The following PCDHGA7 variants were observed in gnomAD, a reference collection of about 807,000 sequenced individuals.
The protein encoded by PCDHGA7 is protocadherin gamma-A7.
Under a neutral mutation model 58.3 loss-of-function variants are expected in PCDHGA7, and 44 were observed. The ratio of observed to expected loss-of-function variants is 0.75; its 90% CI spans 0.59 to 0.97. The LOEUF (loss-of-function observed/expected upper bound fraction) is 0.97, where lower values mean the gene tolerates loss of function less well. Among genes scored for constraint, PCDHGA7 ranks in the 50% least tolerant of loss-of-function variants. The pLI, the probability that PCDHGA7 is intolerant of heterozygous loss-of-function variation, is 0.00. For synonymous variants in PCDHGA7, 516 were observed against 504.2 expected, an observed-to-expected ratio of 1.02 and a Z score of -0.31; for missense variants, 1,266 against 1,188.7, an observed-to-expected ratio of 1.06 and a Z score of -0.96.
In PCDHGA7 at chr5:141,477,629, C is replaced by A. The variant is rs1191573380; in HGVS notation, c.2425-17178C>A. The A allele has an allele frequency of 6.2e-7, 1 of 1,614,040 alleles. No individual in the cohort carries two copies. The highest frequency in any genetic ancestry group is 8.5e-7 in the Non-Finnish European group (1 of 1,180,040). ...CTTGGAGCAAGGAGCTGAAACCGGGCTAGTGGGTCGCTATTTCACAATAAA... is the reference window on the plus strand; with the variant it reads ...CTTGGAGCAAGGAGCTGAAACCGGGATAGTGGGTCGCTATTTCACAATAAA... On this transcript the variant is annotated intron_variant, in intron 1 of 3. Coordinates refer to ENST00000518325, the MANE Select transcript of PCDHGA7 (RefSeq NM_018920.4). The surrounding 1 kb of genome is among the most constrained non-coding windows in gnomAD (Gnocchi z 4.9).
chr5:141,446,528 G>A (rs2098505974), intron 1 of PCDHGA7, among the ~76,000 whole-genome samples: 1 of 151,952 alleles, frequency 6.6e-6, no homozygotes, highest in South Asian at 2.1e-4. Flanking sequence ...CCAGGCTGGA[G>A]TGCAGTGGCC....
chr5:141,449,073 T>C (rs889880816), intron 1 of PCDHGA7, among the ~76,000 whole-genome samples: 1 of 152,246 alleles, frequency 6.6e-6, no homozygotes, highest in African/African-American at 2.4e-5. Flanking sequence ...TGAATAGCCC[T>C]GTACCTACAT....
At chr5:141,399,796 C>T (rs62621781) in intron 1 of PCDHGA7, 21,149 of 1,613,212 alleles carry the variant, frequency 0.013, 194 homozygotes, top group Non-Finnish European at 0.015. Context: ...CAACGCACCG[C>T]GGGTGCTGTA....
intron 1 of PCDHGA7, chr5:141,413,755 A>G: frequency 1.2e-6 from 2 of 1,612,936 alleles, no homozygotes; most frequent in Non-Finnish European, 1.7e-6. Context: ...CAATGGCGTC[A>G]AGTACCCGGA....
Position 141,487,810 on chromosome 5 carries a change from C to T in PCDHGA7, c.2425-6997C>T. 7.1e-7 allele frequency: 1 copy of T among 1,417,854 alleles called. No homozygotes were observed. 87.8% of individuals were successfully genotyped at this position (1,417,854 alleles called of 1,614,324 possible). ...ATTAACCAGAGTTGTCACAGTTTAG[C>T]ATTGGGGGCGGGTCATGCCTATATC... is the stretch of plus-strand genomic sequence containing the variant. On this transcript the variant is annotated intron_variant, in intron 1 of 3. Coordinates refer to ENST00000518325, the MANE Select transcript of PCDHGA7 (RefSeq NM_018920.4). This position sits in a 1 kb window ranked among gnomAD's most constrained non-coding sequence, Gnocchi z 5.0.
intron 1 of PCDHGA7, among the ~76,000 whole-genome samples, chr5:141,433,853 A>C (rs934981508): frequency 1.3e-5 from 2 of 151,912 alleles, no homozygotes; most frequent in African/African-American, 2.4e-5. Context: ...AAAAAAAAAA[A>C]AACTTTATCC....
chr5:141,489,729 C>T lies in PCDHGA7; in HGVS notation c.2425-5078C>T, dbSNP rs760195181. ...ACAGTGCCCAGGATCCGGATGTGGGCACCAATACTGTGAGCTTTTACACTC... is the reference window on the plus strand; with the variant it reads ...ACAGTGCCCAGGATCCGGATGTGGGTACCAATACTGTGAGCTTTTACACTC... On this transcript the variant is annotated intron_variant, in intron 1 of 3. Transcript: ENST00000518325. The surrounding 1 kb of genome is among the most constrained non-coding windows in gnomAD (Gnocchi z 4.5). 2.5e-6 allele frequency: 4 copies of T among 1,614,152 alleles called. No individual in the cohort carries two copies. The highest frequency in any genetic ancestry group is 2.2e-5 in the East Asian group (1 of 44,876).
chr5:141,392,546 T>A (rs1207052717), intron 1 of PCDHGA7: 1 of 336,090 alleles, frequency 3.0e-6, no homozygotes, highest in Non-Finnish European at 5.4e-6. Flanking sequence ...AGAAGTAATC[T>A]GTATCTCAGT....
Position 141,384,862 on chromosome 5 carries a change from T to A in PCDHGA7, c.1963T>A (p.Ser655Thr). 6.2e-7 allele frequency: 1 copy of A among 1,613,686 alleles called. No homozygotes were observed. Among genetic ancestry groups the A allele is most frequent in the Non-Finnish European group, 8.5e-7 (1 of 1,179,932 alleles). Residue 655 changes from serine (S) to threonine (T), a missense_variant, in exon 1 of 4, where the codon TCA (serine) becomes ACA (threonine). Transcript: ENST00000518325. ...AVQDHGQPPL[S>T]ATVTLTVAVA... ...CCAGGACCACGGTCAGCCTCCTCTG[T>A]CAGCCACCGTCACACTCACCGTGGC... is the stretch of plus-strand genomic sequence containing the variant.
chr5:141,460,414 T>G (rs1289935272), intron 1 of PCDHGA7, among the ~76,000 whole-genome samples: 1 of 152,216 alleles, frequency 6.6e-6, no homozygotes, highest in Non-Finnish European at 1.5e-5. Context: ...GAGTTGATGT[T>G]TATGTATGGT....
chr5:141,402,954 T>C, intron 1 of PCDHGA7: 3 of 1,601,320 alleles, frequency 1.9e-6, no homozygotes, highest in Non-Finnish European at 2.6e-6. Context: ...GAGGCAGCAA[T>C]GGCAGCTCCA....
At position 141,393,264 on chromosome 5, in the gene PCDHGA7, C is replaced by G. The variant is rs537186931; in HGVS notation, c.2424+7941C>G. The G allele has an allele frequency of 1.1e-4, 170 of 1,613,916 alleles. 3 individuals carry two copies. The South Asian group carries it at 1.8e-3, about 17-fold the overall frequency. On this transcript the variant is annotated intron_variant, in intron 1 of 3. Coordinates refer to ENST00000518325, the MANE Select transcript of PCDHGA7 (RefSeq NM_018920.4). ...TAACGAAATCGCGGTTCCTGGAGCA[C>G]GTTATCCACTCCCAGAAGCTGTTGA...
Position 141,489,273 on chromosome 5 carries a change from G to GA in PCDHGA7, c.2425-5531dup. The GA allele has an allele frequency of 6.4e-7, 1 of 1,555,870 alleles. No individual in the cohort carries two copies. The highest frequency in any genetic ancestry group is 2.2e-5 in the East Asian group (1 of 44,466). On this transcript the variant is annotated intron_variant, in intron 1 of 3. Coordinates refer to ENST00000518325, the MANE Select transcript of PCDHGA7 (RefSeq NM_018920.4). The surrounding 1 kb of genome is among the most constrained non-coding windows in gnomAD (Gnocchi z 4.5). ...CCAAGACACTCCCACAGCTCGCTGG[G>GA]AAATGGCAAGTGCTGTGCATGTTGT...
At chr5:141,434,763 C>T (rs2097714876) in intron 1 of PCDHGA7, among the ~76,000 whole-genome samples, 1 of 151,296 alleles carries the variant, frequency 6.6e-6, no homozygotes, top group South Asian at 2.1e-4. Flanking sequence ...TTCCCCACTT[C>T]ACACTTCTAA....
intron 1 of PCDHGA7, chr5:141,414,163 G>A (rs1455950284): frequency 5.6e-6 from 9 of 1,603,256 alleles, no homozygotes; most frequent in Non-Finnish European, 7.7e-6. Flanking sequence ...AGATGGAGGA[G>A]CATATCTTGC....
At position 141,383,002 on chromosome 5, in the gene PCDHGA7, G is replaced by C. The variant is rs376825891; in HGVS notation, c.103G>C (p.Val35Leu). The C allele has an allele frequency of 1.2e-6, 2 of 1,613,768 alleles. No individual in the cohort carries two copies. Among genetic ancestry groups the C allele is most frequent in the African/African-American group, 1.3e-5 (1 of 75,070 alleles). ...CTGGGCAGGACGTATTCTCTACTCC[G>C]TGTCGGAGGAGACGGACAAAGGGTC... ...EAWAGRILYSVSEETDKGSFV... is the reference protein window; with the variant it reads ...EAWAGRILYSLSEETDKGSFV... Residue 35 changes from valine (V) to leucine (L), a missense_variant, in exon 1 of 4, where the codon GTG (valine) becomes CTG (leucine). Transcript: ENST00000518325.
intron 1 of PCDHGA7, chr5:141,409,594 C>A: frequency 1.2e-6 from 2 of 1,613,900 alleles, no homozygotes; most frequent in Non-Finnish European, 1.7e-6. Flanking sequence ...TGGCCGAGAA[C>A]AACCCGCCAG....
rs1418195492 is a variant in PCDHGA7 at position 141,431,459 on chromosome 5, G to T, written c.2424+46136G>T. 4 of 1,613,692 alleles carry T rather than the reference G, an allele frequency of 2.5e-6. No homozygotes were observed. The highest frequency in any genetic ancestry group is 3.4e-6 in the Non-Finnish European group (4 of 1,179,994). Reference sequence around the variant, plus strand: ...CGCGCGCATCCGCGTGATGGTTCTGGATGCGAACGACAACGCACCAGCGTT... The same window carrying T: ...CGCGCGCATCCGCGTGATGGTTCTGTATGCGAACGACAACGCACCAGCGTT... On this transcript the variant is annotated intron_variant, in intron 1 of 3. Transcript: ENST00000518325. This position sits in a 1 kb window ranked among gnomAD's most constrained non-coding sequence, Gnocchi z 4.8.
Position 141,486,929 on chromosome 5 carries a change from G to A in PCDHGA7, c.2425-7878G>A. 2.5e-6 allele frequency: 4 copies of A among 1,614,226 alleles called. No individual in the cohort carries two copies. Among genetic ancestry groups the A allele is most frequent in the Non-Finnish European group, 2.5e-6 (3 of 1,180,038 alleles). ...CCAAGCACTGCCTCCATCAGTTGGT[G>A]CTGGCCACCTAATCACAAAGGTGAC... On this transcript the variant is annotated intron_variant, in intron 1 of 3. Transcript: ENST00000518325. This position sits in a 1 kb window ranked among gnomAD's most constrained non-coding sequence, Gnocchi z 5.0.
Sources: gnomAD v4.1 joint callset for allele counts (sites outside exome capture counted in the v4.1 genomes callset) on GRCh38, gnomAD v4.1.1 for gene constraint, Gnocchi (gnomAD v3.1) non-coding constraint, MANE v1.5 for transcripts, NCBI Gene and HGNC (gene_info 2026-07-23, HGNC 2026-07-21) for gene names.